Variants in DRC8 observed in about 807,000 individuals in gnomAD.
DRC8 encodes dynein regulatory complex subunit 8.
chr1:245,045,012 A>T, the DRC8 span, among the ~76,000 whole-genome samples: 1 of 152,010 alleles, frequency 6.6e-6, no homozygotes, highest in Non-Finnish European at 1.5e-5. Context: ...AATTTAATTG[A>T]ATTTATTTAT....
At chr1:245,089,248 T>G in the DRC8 span, among the ~76,000 whole-genome samples, 1 of 152,062 alleles carries the variant, frequency 6.6e-6, no homozygotes, top group African/African-American at 2.4e-5. The surrounding 1 kb of genome is among the most constrained non-coding windows in gnomAD (Gnocchi z 4.8). Context: ...TGCAGACACC[T>G]TGGGACACCC....
At chr1:244,998,009 A>G in the DRC8 span, among the ~76,000 whole-genome samples, 4 of 152,084 alleles carry the variant, frequency 2.6e-5, no homozygotes, top group South Asian at 4.2e-4. Context: ...AGCCAGGTGG[A>G]CTACCATGCA....
the DRC8 span, chr1:245,087,191 G>T: frequency 6.3e-7 from 1 of 1,584,756 alleles, no homozygotes. Context: ...CTAGTGGAAA[G>T]AGAAAAAAAT....
chr1:245,008,137 C>T, the DRC8 span, among the ~76,000 whole-genome samples: 3 of 149,962 alleles, frequency 2.0e-5, no homozygotes, highest in Non-Finnish European at 4.4e-5. Flanking sequence ...GGTCTCACCA[C>T]AGCACTTCAG....
the DRC8 span, among the ~76,000 whole-genome samples, chr1:245,028,812 A>G: frequency 6.6e-6 from 1 of 152,254 alleles, no homozygotes; most frequent in Non-Finnish European, 1.5e-5. Context: ...CCTCTAAAAT[A>G]TTGGCAACCA....
chr1:245,104,961 T>G, the DRC8 span, among the ~76,000 whole-genome samples: 3 of 152,236 alleles, frequency 2.0e-5, no homozygotes, highest in African/African-American at 7.2e-5. Flanking sequence ...TGTTCTTGTC[T>G]TTCATTTGTT....
chr1:244,992,317 C>G, the DRC8 span, among the ~76,000 whole-genome samples: 1 of 152,040 alleles, frequency 6.6e-6, no homozygotes, highest in Non-Finnish European at 1.5e-5. Context: ...AATACTGCCG[C>G]CACAATAATT....
At chr1:245,047,217 T>G in the DRC8 span, among the ~76,000 whole-genome samples, 1 of 152,240 alleles carries the variant, frequency 6.6e-6, no homozygotes, top group Non-Finnish European at 1.5e-5. Context: ...AAAACACAAC[T>G]AACAGCCTGC....
At chr1:244,985,375 A>G in the DRC8 span, among the ~76,000 whole-genome samples, 3 of 152,212 alleles carry the variant, frequency 2.0e-5, no homozygotes, top group Non-Finnish European at 4.4e-5. Flanking sequence ...CACATGTCAA[A>G]TGAGGAGCAT....
At chr1:245,008,689 A>T in the DRC8 span, among the ~76,000 whole-genome samples, 123 of 71,006 alleles carry the variant, frequency 1.7e-3, no homozygotes, top group East Asian at 6.9e-3. Flanking sequence ...TTTTTTTTTT[A>T]AATTTTCAGA....
the DRC8 span, among the ~76,000 whole-genome samples, chr1:245,027,712 T>G: frequency 6.6e-6 from 1 of 152,186 alleles, no homozygotes; most frequent in Non-Finnish European, 1.5e-5. Flanking sequence ...ATTTTTATTT[T>G]TACACTGACA....
At chr1:244,992,479 C>G in the DRC8 span, among the ~76,000 whole-genome samples, 1 of 152,264 alleles carries the variant, frequency 6.6e-6, no homozygotes, top group South Asian at 2.1e-4. Flanking sequence ...TGGCTCACTC[C>G]TATAATCCCA....
At chr1:245,093,823 G>A in the DRC8 span, among the ~76,000 whole-genome samples, 4 of 152,106 alleles carry the variant, frequency 2.6e-5, no homozygotes, top group African/African-American at 7.2e-5. Context: ...TCGGGCCATG[G>A]TTTTATATGT....
chr1:245,082,117 TC>T, the DRC8 span: 1 of 1,612,956 alleles, frequency 6.2e-7, no homozygotes, highest in Non-Finnish European at 8.5e-7. Context: ...TACATTCGAT[TC>T]GAAAAATTTC....
the DRC8 span, among the ~76,000 whole-genome samples, chr1:245,020,131 G>T: frequency 6.6e-6 from 1 of 152,176 alleles, no homozygotes; most frequent in Admixed American, 6.5e-5. Context: ...GTTACTTCCT[G>T]TGTAGGGCTG....
chr1:245,072,976 G>A, the DRC8 span, among the ~76,000 whole-genome samples: 10,079 of 152,194 alleles, frequency 0.066, 379 homozygotes, highest in Non-Finnish European at 0.079. Flanking sequence ...TTCCTGTACA[G>A]CCTGCAGAAC....
At chr1:244,975,911 T>C in the DRC8 span, among the ~76,000 whole-genome samples, 1 of 151,908 alleles carries the variant, frequency 6.6e-6, no homozygotes, top group East Asian at 1.9e-4. Flanking sequence ...GCTGAATAAA[T>C]GGGAAAGAAA....
At chr1:245,035,866 CAAAA>C in the DRC8 span, among the ~76,000 whole-genome samples, 3 of 109,956 alleles carry the variant, frequency 2.7e-5, no homozygotes, top group Non-Finnish European at 1.9e-5. Context: ...GACTCTGTCT[CAAAA>C]AAAAAAAAAA....
At chr1:244,988,741 T>C in the DRC8 span, among the ~76,000 whole-genome samples, 1 of 152,234 alleles carries the variant, frequency 6.6e-6, no homozygotes, top group East Asian at 1.9e-4. Flanking sequence ...TGTAACTTAC[T>C]TTCCTGAGAT....
Sources: gnomAD v4.1 joint callset for allele counts (sites outside exome capture counted in the v4.1 genomes callset) on GRCh38, gnomAD v4.1.1 for gene constraint, Gnocchi (gnomAD v3.1) non-coding constraint, MANE v1.5 for transcripts, NCBI Gene and HGNC (gene_info 2026-07-23, HGNC 2026-07-21) for gene names.